The following ASIC2 variants were observed in gnomAD, a reference collection of about 807,000 sequenced individuals.
ASIC2 encodes the protein acid-sensing ion channel 2.
In ASIC2, 25 loss-of-function variants were observed where a neutral mutation model predicts 57.3. The observed-to-expected ratio is 0.44, with a 90% CI of 0.32 to 0.61. The LOEUF is 0.61. Among genes scored for constraint, ASIC2 ranks in the 20% least tolerant of loss-of-function variants. ASIC2 has a pLI of 0.06. For synonymous variants in ASIC2, 319 were observed against 307.5 expected (o/e 1.04, Z -0.39); for missense variants, 641 against 738.1 (o/e 0.87, Z 1.52).
chr17:33,436,880 T>TTTTTTTG (rs1186285987), intron 1 of ASIC2, among the ~76,000 whole-genome samples: 1 of 130,468 alleles, frequency 7.7e-6, no homozygotes, highest in African/African-American at 2.9e-5. Context: ...TTTTTTTTTT[T>TTTTTTTG]TTTGAGACGG....
At chr17:33,957,031 T>C (rs9902981) in intron 1 of ASIC2, among the ~76,000 whole-genome samples, 45,266 of 152,070 alleles carry the variant, frequency 0.3, 7,005 homozygotes, top group Non-Finnish European at 0.35. Context: ...ATAATGGGGA[T>C]TTATTGTCCC....
chr17:34,015,590 T>A (rs972515689), intron 1 of ASIC2, among the ~76,000 whole-genome samples: 6 of 152,242 alleles, frequency 3.9e-5, no homozygotes, highest in African/African-American at 1.4e-4. Flanking sequence ...TTGTGGAATT[T>A]TTTTACAATA....
At chr17:33,394,459 G>T (rs140817690) in intron 1 of ASIC2, among the ~76,000 whole-genome samples, 4 of 151,450 alleles carry the variant, frequency 2.6e-5, no homozygotes, top group Admixed American at 6.6e-5. Flanking sequence ...GATTTTTTTT[G>T]AAAGCCTCTC....
At chr17:33,401,413 C>T (rs1910283149) in intron 1 of ASIC2, among the ~76,000 whole-genome samples, 1 of 152,148 alleles carries the variant, frequency 6.6e-6, no homozygotes, top group Non-Finnish European at 1.5e-5. Context: ...CTTCCTTTGC[C>T]TCCATGCCCT....
At chr17:33,682,952 A>T (rs1908056234) in intron 1 of ASIC2, among the ~76,000 whole-genome samples, 1 of 152,216 alleles carries the variant, frequency 6.6e-6, no homozygotes, top group Admixed American at 6.5e-5. Flanking sequence ...TGTAATTGTC[A>T]TTGTATTCTT....
intron 1 of ASIC2, among the ~76,000 whole-genome samples, chr17:33,502,965 A>G (rs979678627): frequency 6.6e-6 from 1 of 152,214 alleles, no homozygotes; most frequent in Non-Finnish European, 1.5e-5. Context: ...TTTTCAAGGA[A>G]GGCACATTTG....
chr17:33,356,735 G>A (rs1908389415), intron 1 of ASIC2, among the ~76,000 whole-genome samples: 2 of 152,136 alleles, frequency 1.3e-5, no homozygotes, highest in Non-Finnish European at 2.9e-5. Context: ...CAGTCCCGAG[G>A]AGCATGAAGA....
At chr17:33,681,014 C>T (rs1188387901) in intron 1 of ASIC2, 3 of 152,184 alleles carry the variant, frequency 2.0e-5, no homozygotes, top group Non-Finnish European at 4.4e-5. Context: ...GCTGCTCCTC[C>T]CCAGGAACCA....
intron 1 of ASIC2, among the ~76,000 whole-genome samples, chr17:33,833,153 G>A (rs1055350035): frequency 1.4e-4 from 21 of 152,062 alleles, no homozygotes; most frequent in Non-Finnish European, 2.6e-4. Context: ...AAGAAGAAAA[G>A]TAAAGAAAAT....
intron 3 of ASIC2, among the ~76,000 whole-genome samples, chr17:33,086,549 T>C (rs1354917141): frequency 6.6e-6 from 1 of 152,164 alleles, no homozygotes; most frequent in Middle Eastern, 3.2e-3. Context: ...TGCTGACCGA[T>C]TTTCTCTCCT....
chr17:33,836,256 CAT>C (rs1194534994), intron 1 of ASIC2, among the ~76,000 whole-genome samples: 1 of 151,444 alleles, frequency 6.6e-6, no homozygotes, highest in Admixed American at 6.6e-5. Context: ...GGATTACAGG[CAT>C]GTGCCACCAC....
At chr17:33,951,069 TTTA>T (rs1476004604) in intron 1 of ASIC2, among the ~76,000 whole-genome samples, 1 of 152,186 alleles carries the variant, frequency 6.6e-6, no homozygotes, top group Non-Finnish European at 1.5e-5. Context: ...AATTAATCTC[TTTA>T]TCTCTCAGGC....
chr17:33,921,423 A>T (rs1332486068), intron 1 of ASIC2, among the ~76,000 whole-genome samples: 1 of 152,216 alleles, frequency 6.6e-6, no homozygotes, highest in Non-Finnish European at 1.5e-5. Context: ...TCTGCAGGAT[A>T]TGCAATTTGG....
intron 1 of ASIC2, among the ~76,000 whole-genome samples, chr17:34,096,425 G>A (rs1337474409): frequency 2.6e-5 from 4 of 152,188 alleles, no homozygotes; most frequent in Non-Finnish European, 4.4e-5. Context: ...TAAGGTGGGA[G>A]GGGCCAGATC....
chr17:34,038,019 A>G (rs571514677), intron 1 of ASIC2: 4 of 1,613,442 alleles, frequency 2.5e-6, no homozygotes, highest in Non-Finnish European at 3.4e-6. Flanking sequence ...AAATACCAAT[A>G]AGTACCAGCA....
At chr17:33,812,940 A>G (rs1028476669) in intron 1 of ASIC2, among the ~76,000 whole-genome samples, 19 of 152,074 alleles carry the variant, frequency 1.2e-4, no homozygotes, top group African/African-American at 4.3e-4. Context: ...GGCCTCCAGA[A>G]CTCAGAAGGT....
intron 1 of ASIC2, among the ~76,000 whole-genome samples, chr17:33,463,114 A>G (rs575087897): frequency 8.1e-4 from 123 of 152,308 alleles, no homozygotes; most frequent in African/African-American, 2.9e-3. Flanking sequence ...CTCCTTTTGA[A>G]TTATAGTCTC....
chr17:33,881,873 C>G (rs540940286), intron 1 of ASIC2, among the ~76,000 whole-genome samples: 2 of 152,188 alleles, frequency 1.3e-5, no homozygotes, highest in Non-Finnish European at 2.9e-5. Context: ...TGCAAGGCTA[C>G]AGTAACCAAC....
intron 1 of ASIC2, among the ~76,000 whole-genome samples, chr17:33,264,906 T>C (rs1379902284): frequency 1.3e-5 from 2 of 152,200 alleles, no homozygotes; most frequent in South Asian, 2.1e-4. Context: ...GGAAAACAAA[T>C]ATTTCTGGCC....
Sources: allele counts gnomAD v4.1 joint callset (sites outside exome capture counted in the v4.1 genomes callset), GRCh38; gene constraint gnomAD v4.1.1; transcripts MANE v1.5; gene names NCBI Gene and HGNC (gene_info 2026-07-23, HGNC 2026-07-21).